The following COLEC12 variants were observed in gnomAD, a reference collection of about 807,000 sequenced individuals.
COLEC12 encodes collectin subfamily member 12, also known as collectin-12.
In COLEC12, 33 loss-of-function variants were observed where a neutral mutation model predicts 71.1. The observed-to-expected ratio is 0.46, with a 90% CI of 0.35 to 0.62. The LOEUF is 0.62. COLEC12 is among the 20% of genes least tolerant of loss of function. The pLI is 0.00. For missense variants in COLEC12, 765 were observed against 916.1 expected (o/e 0.84, Z 2.13); for synonymous variants, 350 against 353.0 (o/e 0.99, Z 0.10).
chr18:333,868 G>A (rs904055381), intron 6 of COLEC12: 3 of 152,150 alleles, frequency 2.0e-5, no homozygotes, highest in African/African-American at 7.2e-5. Context: ...TGTCTTCTGA[G>A]GGCTGGCTCC....
At chr18:379,253 G>A (rs1915180546) in intron 2 of COLEC12, among the ~76,000 whole-genome samples, 2 of 151,900 alleles carry the variant, frequency 1.3e-5, no homozygotes, top group Admixed American at 1.3e-4. Flanking sequence ...CTCCCAAGTA[G>A]CTGGGACCAC....
chr18:338,774 T>A (rs1281120215), intron 5 of COLEC12, among the ~76,000 whole-genome samples: 1 of 152,176 alleles, frequency 6.6e-6, no homozygotes, highest in Non-Finnish European at 1.5e-5. Context: ...TTATGGATAG[T>A]TCTAGGGAAA....
At chr18:324,609 A>T (rs1250869903) in intron 8 of COLEC12, among the ~76,000 whole-genome samples, 1 of 152,136 alleles carries the variant, frequency 6.6e-6, no homozygotes, top group Non-Finnish European at 1.5e-5. Flanking sequence ...TGGGTGGATC[A>T]CCTGAGGTCA....
Position 498,712 on chromosome 18 carries a change from G to T in COLEC12, c.7+1796C>A, listed in dbSNP as rs540089575. Reference sequence around the variant, plus strand: ...GCTTCAAAATGATTAGTCTACCCGGGGATTCACCAGTCCGTCCCTCCATCA... The same window carrying T: ...GCTTCAAAATGATTAGTCTACCCGGTGATTCACCAGTCCGTCCCTCCATCA... On this transcript the variant is annotated intron_variant, in intron 1 of 9. Transcript: ENST00000400256. Among the ~76,000 whole-genome samples the T allele has an allele frequency of 4.1e-4, 63 of 152,118 alleles. 1 individual carries two copies. The highest frequency in any genetic ancestry group is 2.4e-3 in the Admixed American group (36 of 15,284).
chr18:474,885 C>T (rs566905748), intron 2 of COLEC12, among the ~76,000 whole-genome samples: 9 of 152,026 alleles, frequency 5.9e-5, no homozygotes, highest in South Asian at 2.1e-4. Context: ...CCAGCCTGGC[C>T]AACAGGATAA....
At chr18:439,499 T>A (rs1161881291) in intron 2 of COLEC12, among the ~76,000 whole-genome samples, 1 of 7,106 alleles carries the variant, frequency 1.4e-4, no homozygotes, top group Admixed American at 5.0e-3. Context: ...GCAGAGATTC[T>A]TTTTTTTTTT....
chr18:442,944 G>C (rs1259057740), intron 2 of COLEC12, among the ~76,000 whole-genome samples: 5 of 152,238 alleles, frequency 3.3e-5, no homozygotes, highest in African/African-American at 1.2e-4. Flanking sequence ...CTGGGCGACA[G>C]AGCGAGACTC....
chr18:374,877 T>C (rs1312657401), intron 2 of COLEC12, among the ~76,000 whole-genome samples: 3 of 152,108 alleles, frequency 2.0e-5, no homozygotes, highest in East Asian at 1.9e-4. Flanking sequence ...GACGATCCAG[T>C]GCAGAGCAGT....
chr18:412,771 C>A (rs541061996), intron 2 of COLEC12, among the ~76,000 whole-genome samples: 11 of 152,156 alleles, frequency 7.2e-5, no homozygotes, highest in Admixed American at 1.3e-4. Context: ...TATGTAGACA[C>A]ATAATCCAGC....
At chr18:465,864 G>A (rs568268892) in intron 2 of COLEC12, among the ~76,000 whole-genome samples, 1 of 152,144 alleles carries the variant, frequency 6.6e-6, no homozygotes, top group African/African-American at 2.4e-5. Flanking sequence ...CTTGAGGTCA[G>A]GAATTCGAGA....
chr18:412,070 C>T (rs899603638), intron 2 of COLEC12, among the ~76,000 whole-genome samples: 1 of 152,140 alleles, frequency 6.6e-6, no homozygotes, highest in African/African-American at 2.4e-5. Context: ...TGGCTGAACA[C>T]TTCCCAAATT....
At position 346,673 on chromosome 18, in the gene COLEC12, A is replaced by C. The variant is rs1253182024; in HGVS notation, c.949T>G (p.Leu317Val). ...NEQNLKDLQD[L>V]HKDAENRTAI... ...GTTCTATTCTCTGCATCTTTGTGTA[A>C]GTCCTGCAGGTCTTTCAGGTTCTGC... The change falls in exon 5 of 10, where the codon TTA (leucine) becomes GTA (valine). Residue 317 changes from leucine to valine, a missense_variant. Physicochemically the swap from Leu to Val is conservative, Grantham distance 32 (BLOSUM62 1). Coordinates refer to ENST00000400256, the MANE Select transcript of COLEC12 (RefSeq NM_130386.3). The surrounding 1 kb of genome is among the most constrained non-coding windows in gnomAD (Gnocchi z 4.0). 2 of 1,614,172 alleles carry C rather than the reference A, an allele frequency of 1.2e-6. No individual in the cohort carries two copies. Among genetic ancestry groups the C allele is most frequent in the African/African-American group, 2.7e-5 (2 of 75,034 alleles).
rs892028930 is a variant in COLEC12 at position 363,817 on chromosome 18, A to C, written c.59-6295T>G. 3.3e-5 allele frequency among the ~76,000 whole-genome samples: 5 copies of C among 152,212 alleles called. No homozygotes were observed. The South Asian group carries it at 1.0e-3, about 32-fold the overall frequency. On this transcript the variant is annotated intron_variant, in intron 2 of 9. Coordinates refer to ENST00000400256, the MANE Select transcript of COLEC12 (RefSeq NM_130386.3). The stretch of plus-strand genomic sequence containing the variant: ...GATGAAATATGGAATTAGTAAAAAA[A>C]ATTTTTTTTATTAGTGAGTAATTTA...
At chr18:354,295 T>C (rs1207179087) in intron 3 of COLEC12, among the ~76,000 whole-genome samples, 1 of 152,256 alleles carries the variant, frequency 6.6e-6, no homozygotes, top group Non-Finnish European at 1.5e-5. Context: ...GCACAGACCC[T>C]GTCTGGGTGA....
chr18:440,384 C>T (rs76905411), intron 2 of COLEC12, among the ~76,000 whole-genome samples: 2,642 of 142,838 alleles, frequency 0.018, 40 homozygotes, highest in Non-Finnish European at 0.022. Context: ...CACATACACA[C>T]ACACACACAC....
At chr18:433,993 T>C (rs2846644) in intron 2 of COLEC12, among the ~76,000 whole-genome samples, 140,973 of 150,106 alleles carry the variant, frequency 0.94, 66,253 homozygotes, top group East Asian at 1. Context: ...TAAGAAGAGA[T>C]TTGCTTGTAG....
chr18:448,629 G>A lies in COLEC12; in HGVS notation c.58+32078C>T, dbSNP rs189269377. Among the ~76,000 whole-genome samples the A allele has an allele frequency of 2.6e-5, 4 of 152,312 alleles. No homozygotes were observed. In the East Asian group the frequency reaches 7.7e-4, roughly 29 times the overall value. ...GAGGTGGTATTCAAAAGAAGTAACT[G>A]CTGGTGGACTTTGAATAAAATGAGA... On this transcript the variant is annotated intron_variant, in intron 2 of 9. Transcript: ENST00000400256.
chr18:496,524 A>C (rs1187105758), intron 1 of COLEC12, among the ~76,000 whole-genome samples: 1 of 152,218 alleles, frequency 6.6e-6, no homozygotes, highest in Non-Finnish European at 1.5e-5. Context: ...TTCAATGTTA[A>C]ATGCAATTGC....
intron 2 of COLEC12, among the ~76,000 whole-genome samples, chr18:435,701 C>T (rs1598362413): frequency 6.6e-6 from 1 of 152,132 alleles, no homozygotes; most frequent in African/African-American, 2.4e-5. Context: ...CAGAACTCTA[C>T]CTACTTTTAG....
Sources: allele counts gnomAD v4.1 joint callset (sites outside exome capture counted in the v4.1 genomes callset), GRCh38; gene constraint gnomAD v4.1.1; non-coding constraint Gnocchi (gnomAD v3.1); transcripts MANE v1.5; gene names NCBI Gene and HGNC (gene_info 2026-07-23, HGNC 2026-07-21).